NRXN1: variants seen among roughly 807,000 people sequenced by gnomAD.
The protein encoded by NRXN1 is neurexin-1.
In NRXN1, 39 loss-of-function variants were observed where a neutral mutation model predicts 150.9. The ratio of observed to expected loss-of-function variants is 0.26; its 90% CI spans 0.20 to 0.34. The LOEUF (loss-of-function observed/expected upper bound fraction) is 0.34, where lower values mean the gene tolerates loss of function less well. Ranked by LOEUF, NRXN1 falls within the 10% of genes least tolerant of loss-of-function variation. The probability of loss-of-function intolerance (pLI) is 1.00; values close to 1 mark genes in which losing one functional copy is unlikely to be tolerated. For synonymous variants in NRXN1, 924 were observed against 757.0 expected, an observed-to-expected ratio of 1.22 and a Z score of -3.62; for missense variants, 1,815 against 1,949.9, an observed-to-expected ratio of 0.93 and a Z score of 1.30.
intron 5 of NRXN1, among the ~76,000 whole-genome samples, chr2:50,630,365 T>C (rs945964429): frequency 6.6e-6 from 1 of 151,626 alleles, no homozygotes; most frequent in African/African-American, 2.4e-5. Flanking sequence ...TAAACAAAGA[T>C]AGGTTAAATG....
chr2:50,938,943 G>T (rs923035404), intron 2 of NRXN1, among the ~76,000 whole-genome samples: 7 of 152,088 alleles, frequency 4.6e-5, no homozygotes, highest in African/African-American at 1.7e-4. Flanking sequence ...TGAGCGCGGT[G>T]GCTCATGCCT....
chr2:50,876,364 G>A (rs1297267861), intron 5 of NRXN1, among the ~76,000 whole-genome samples: 1 of 151,726 alleles, frequency 6.6e-6, no homozygotes, highest in African/African-American at 2.4e-5. Context: ...ACTGTGGTCT[G>A]ATGCTGGGGA....
intron 17 of NRXN1, among the ~76,000 whole-genome samples, chr2:50,319,036 T>G (rs6732772): frequency 0.42 from 63,809 of 151,998 alleles, 16,128 homozygotes; most frequent in African/African-American, 0.71. Flanking sequence ...GAAAAGCTTT[T>G]CTTTTAAACT....
chr2:50,961,268 T>C (rs1448189671), intron 2 of NRXN1, among the ~76,000 whole-genome samples: 2 of 151,886 alleles, frequency 1.3e-5, no homozygotes, highest in Non-Finnish European at 2.9e-5. Flanking sequence ...CTTGTTAAAA[T>C]GTAGATTATT....
At chr2:49,954,755 C>A (rs1033229401) in intron 21 of NRXN1, among the ~76,000 whole-genome samples, 1 of 152,092 alleles carries the variant, frequency 6.6e-6, no homozygotes, top group Non-Finnish European at 1.5e-5. Context: ...GCTATCTTTT[C>A]TTAGTGCATT....
intron 5 of NRXN1, among the ~76,000 whole-genome samples, chr2:50,642,823 T>A (rs1684264126): frequency 6.6e-6 from 1 of 151,950 alleles, no homozygotes; most frequent in South Asian, 2.1e-4. Context: ...TTACTAGACA[T>A]TTTTATTCTT....
At chr2:50,922,809 C>A in intron 3 of NRXN1, 122 bp from the exon 4 acceptor site, 4 of 989,268 alleles carry the variant, frequency 4.0e-6, no homozygotes, top group Non-Finnish European at 6.3e-6. Flanking sequence ...GTCTGTATCA[C>A]AGAGGCAAAT....
chr2:49,934,630 T>C (rs1670687535), intron 22 of NRXN1, among the ~76,000 whole-genome samples: 1 of 152,146 alleles, frequency 6.6e-6, no homozygotes, highest in African/African-American at 2.4e-5. Flanking sequence ...GTGTCAAGTC[T>C]AGCATTAGGA....
chr2:50,503,022 A>C (rs1355800282), intron 13 of NRXN1, among the ~76,000 whole-genome samples: 1 of 152,062 alleles, frequency 6.6e-6, no homozygotes, highest in Non-Finnish European at 1.5e-5. Context: ...AGAAGTAAGA[A>C]AAGGGCCAGG....
chr2:50,127,183 C>T (rs953905933), intron 18 of NRXN1, among the ~76,000 whole-genome samples: 11 of 152,068 alleles, frequency 7.2e-5, no homozygotes, highest in East Asian at 1.9e-4. Flanking sequence ...ACTAAACATA[C>T]GACAATAGTT....
At chr2:49,981,748 T>C (rs1680026496) in intron 21 of NRXN1, among the ~76,000 whole-genome samples, 2 of 152,016 alleles carry the variant, frequency 1.3e-5, no homozygotes, top group South Asian at 2.1e-4. Flanking sequence ...GGACTGAATA[T>C]ATAAAAAAAT....
chr2:50,687,448 C>T (rs1691405721), intron 5 of NRXN1, among the ~76,000 whole-genome samples: 1 of 152,084 alleles, frequency 6.6e-6, no homozygotes, highest in Admixed American at 6.5e-5. Context: ...TCTATGCATG[C>T]TTTATCATTT....
intron 5 of NRXN1, among the ~76,000 whole-genome samples, chr2:50,878,095 C>A (rs1678876167): frequency 6.6e-6 from 1 of 151,898 alleles, no homozygotes; most frequent in Admixed American, 6.6e-5. Flanking sequence ...TGAGAAGGAA[C>A]ACATACTGCT....
At chr2:50,586,965 T>G (rs1316324435) in intron 8 of NRXN1, among the ~76,000 whole-genome samples, 1 of 152,220 alleles carries the variant, frequency 6.6e-6, no homozygotes, top group Admixed American at 6.5e-5. Context: ...ACATGGCTTC[T>G]GTTTTGTATT....
intron 2 of NRXN1, among the ~76,000 whole-genome samples, chr2:50,990,554 G>A (rs1236699736): frequency 6.6e-6 from 1 of 152,000 alleles, no homozygotes; most frequent in African/African-American, 2.4e-5. Context: ...AGAGTACAGA[G>A]GGGAACCTTA....
intron 2 of NRXN1, among the ~76,000 whole-genome samples, chr2:50,990,807 T>C (rs1575146035): frequency 6.6e-6 from 1 of 152,102 alleles, no homozygotes; most frequent in East Asian, 1.9e-4. Context: ...GGAGCTGAAG[T>C]GTCGTAGTGC....
At chr2:50,150,754 A>G (rs1354703203) in intron 18 of NRXN1, among the ~76,000 whole-genome samples, 1 of 151,740 alleles carries the variant, frequency 6.6e-6, no homozygotes, top group African/African-American at 2.4e-5. Context: ...GATGCTTCCC[A>G]TATCACATCC....
At chr2:50,946,255 A>G (rs1023167113) in intron 2 of NRXN1, among the ~76,000 whole-genome samples, 1 of 152,134 alleles carries the variant, frequency 6.6e-6, no homozygotes, top group African/African-American at 2.4e-5. Context: ...TAATTACACT[A>G]TGAGCATTAG....
intron 17 of NRXN1, among the ~76,000 whole-genome samples, chr2:50,335,392 C>G (rs577812411): frequency 6.6e-6 from 1 of 152,168 alleles, no homozygotes; most frequent in Non-Finnish European, 1.5e-5. Flanking sequence ...TTTCTCTTAC[C>G]GAAATCTCTC....
Sources: allele counts gnomAD v4.1 joint callset (sites outside exome capture counted in the v4.1 genomes callset), GRCh38; gene constraint gnomAD v4.1.1; transcripts MANE v1.5; gene names NCBI Gene and HGNC (gene_info 2026-07-23, HGNC 2026-07-21).